Variants in TENM1 observed in about 807,000 individuals in gnomAD.
The protein encoded by TENM1 is teneurin transmembrane protein 1, also known as teneurin-1.
TENM1 carries 35 observed loss-of-function variants against 174.8 expected under a neutral mutation model. That is an observed-to-expected ratio of 0.20 (90% CI 0.15 to 0.27). TENM1 has a LOEUF of 0.27. TENM1 is among the 10% of genes least tolerant of loss of function. The pLI, the probability that TENM1 is intolerant of heterozygous loss-of-function variation, is 1.00. For synonymous variants in TENM1, 781 were observed against 798.7 expected, an observed-to-expected ratio of 0.98 and a Z score of 0.37; for missense variants, 1,633 against 2,130.1, an observed-to-expected ratio of 0.77 and a Z score of 4.59.
intron 12 of TENM1, among the ~76,000 whole-genome samples, chrX:124,565,156 T>C (rs1000597814): frequency 4.5e-5 from 5 of 112,053 alleles, no homozygotes; most frequent in African/African-American, 1.6e-4. Flanking sequence ...TAAGGAATAC[T>C]GAAGTAATAA....
At chrX:124,819,887 C>T (rs1288106335) in intron 3 of TENM1, among the ~76,000 whole-genome samples, 2 of 109,118 alleles carry the variant, frequency 1.8e-5, no homozygotes, top group Non-Finnish European at 3.8e-5. Flanking sequence ...CCTCTGCCTC[C>T]TGGGTTCAAG....
chrX:124,760,895 C>T (rs753144686), intron 3 of TENM1, among the ~76,000 whole-genome samples: 5 of 111,622 alleles, frequency 4.5e-5, no homozygotes, highest in African/African-American at 6.5e-5. Flanking sequence ...AGGATATGAA[C>T]AGACACTTCA....
At chrX:124,703,753 T>C in intron 5 of TENM1, among the ~76,000 whole-genome samples, 1 of 112,009 alleles carries the variant, frequency 8.9e-6, no homozygotes, top group Non-Finnish European at 1.9e-5. Flanking sequence ...TCATTACAGG[T>C]CACCACAAAC....
At chrX:124,926,696 T>G (rs942472647) in intron 1 of TENM1, among the ~76,000 whole-genome samples, 1 of 111,977 alleles carries the variant, frequency 8.9e-6, no homozygotes, top group Non-Finnish European at 1.9e-5. Context: ...CTTTAATGAA[T>G]AAACACACAC....
chrX:125,155,807 A>C, the TENM1 span, among the ~76,000 whole-genome samples: 1 of 112,338 alleles, frequency 8.9e-6, no homozygotes. Flanking sequence ...GCCCGCAAGC[A>C]CTGCTGGCAG....
chrX:124,848,429 T>C (rs1327265344), intron 3 of TENM1, among the ~76,000 whole-genome samples: 1 of 111,390 alleles, frequency 9.0e-6, no homozygotes, highest in Non-Finnish European at 1.9e-5. Flanking sequence ...TTGCTGATTT[T>C]GGAAAAGACC....
intron 18 of TENM1, among the ~76,000 whole-genome samples, chrX:124,505,440 T>C (rs937251365): frequency 1.8e-5 from 2 of 111,825 alleles, no homozygotes; most frequent in East Asian, 5.6e-4. Context: ...GTTACACTTA[T>C]GGTACAAATC....
the TENM1 span, among the ~76,000 whole-genome samples, chrX:125,012,205 G>A: frequency 9.0e-6 from 1 of 111,557 alleles, no homozygotes; most frequent in Non-Finnish European, 1.9e-5. Context: ...CCATGGGGAA[G>A]GAGAGCATTA....
chrX:124,803,764 A>C (rs2055516186), intron 3 of TENM1, among the ~76,000 whole-genome samples: 1 of 112,296 alleles, frequency 8.9e-6, no homozygotes, highest in South Asian at 3.7e-4. Context: ...TTTTTAAAGG[A>C]CAAATCAAAA....
At chrX:124,573,111 T>G (rs1876681113) in intron 11 of TENM1, among the ~76,000 whole-genome samples, 1 of 111,218 alleles carries the variant, frequency 9.0e-6, no homozygotes, top group Non-Finnish European at 1.9e-5. Context: ...TATCCATCAA[T>G]GGGAAAGGAT....
At chrX:124,381,909 AG>A (rs896764328) in intron 31 of TENM1, among the ~76,000 whole-genome samples, 3 of 111,765 alleles carry the variant, frequency 2.7e-5, no homozygotes, top group Non-Finnish European at 3.8e-5. Context: ...GTTTTTTAGA[AG>A]GACTTTTAAT....
chrX:124,503,756 T>A, intron 18 of TENM1, 53 bp from the exon 22 acceptor site: 1 of 1,061,639 alleles, frequency 9.4e-7, no homozygotes, highest in Non-Finnish European at 1.3e-6. Flanking sequence ...ATTTGCTTCA[T>A]GTTTATACTA....
intron 3 of TENM1, among the ~76,000 whole-genome samples, chrX:124,891,466 C>T (rs1030539410): frequency 1.8e-5 from 2 of 110,255 alleles, no homozygotes. Flanking sequence ...TGAGACCATC[C>T]TGGCCAACGT....
At chrX:124,497,575 T>C (rs2047229834) in intron 19 of TENM1, among the ~76,000 whole-genome samples, 1 of 111,655 alleles carries the variant, frequency 9.0e-6, no homozygotes, top group African/African-American at 3.3e-5. Flanking sequence ...CTATTCACTC[T>C]GGGCTCTGTG....
At chrX:124,382,171 G>T (rs1456214567) in intron 31 of TENM1, among the ~76,000 whole-genome samples, 1 of 111,205 alleles carries the variant, frequency 9.0e-6, no homozygotes, top group Non-Finnish European at 1.9e-5. Flanking sequence ...TAAATGTTTT[G>T]ATGTTCCTAT....
chrX:125,070,140 A>T, the TENM1 span, among the ~76,000 whole-genome samples: 1 of 109,994 alleles, frequency 9.1e-6, no homozygotes, highest in Non-Finnish European at 1.9e-5. Flanking sequence ...GTAGTGGGCC[A>T]GGATCACGCC....
At chrX:124,743,258 C>T (rs928108751) in intron 3 of TENM1, among the ~76,000 whole-genome samples, 5 of 111,752 alleles carry the variant, frequency 4.5e-5, no homozygotes, top group Admixed American at 1.9e-4. Flanking sequence ...ATAAACAATA[C>T]AGTTTATCAC....
chrX:124,445,103 A>C (rs2060951966), intron 23 of TENM1, among the ~76,000 whole-genome samples: 1 of 112,035 alleles, frequency 8.9e-6, no homozygotes, highest in African/African-American at 3.2e-5. Flanking sequence ...GGATTAAATA[A>C]GATAACATAT....
At chrX:124,924,714 A>T (rs147992360) in intron 1 of TENM1, among the ~76,000 whole-genome samples, 1 of 111,701 alleles carries the variant, frequency 9.0e-6, no homozygotes, top group East Asian at 2.8e-4. Flanking sequence ...TGTTTTCCGG[A>T]CAGGGATGAA....
Sources: gnomAD v4.1 joint callset for allele counts (sites outside exome capture counted in the v4.1 genomes callset) on GRCh38, gnomAD v4.1.1 for gene constraint, MANE v1.5 for transcripts, NCBI Gene and HGNC (gene_info 2026-07-23, HGNC 2026-07-21) for gene names.